Variants in COL14A1 observed in about 807,000 individuals in gnomAD.
COL14A1 encodes the protein collagen alpha-1(XIV) chain.
A neutral mutation model predicts 230.3 loss-of-function variants in COL14A1; 136 were observed. The observed-to-expected ratio is 0.59, with a 90% CI of 0.51 to 0.68. The LOEUF is 0.68. COL14A1 is among the 30% of genes least tolerant of loss of function. The probability of loss-of-function intolerance (pLI) is 0.00; values close to 1 mark genes in which losing one functional copy is unlikely to be tolerated. For missense variants in COL14A1, 1,976 were observed against 2,215.8 expected, an observed-to-expected ratio of 0.89 and a Z score of 2.17; for synonymous variants, 792 against 784.1, an observed-to-expected ratio of 1.01 and a Z score of -0.17.
chr8:120,324,512 T>G (rs556260384), intron 40 of COL14A1, among the ~76,000 whole-genome samples: 2 of 152,324 alleles, frequency 1.3e-5, no homozygotes, highest in Admixed American at 6.5e-5. Flanking sequence ...TTTTTTCTTA[T>G]GGCTGGCTGC....
At chr8:120,318,041 A>G (rs115549773) in intron 40 of COL14A1, among the ~76,000 whole-genome samples, 1,989 of 152,292 alleles carry the variant, frequency 0.013, 46 homozygotes, top group African/African-American at 0.044. Flanking sequence ...CTTCTAGAAG[A>G]GATATTTGAA....
intron 5 of COL14A1, among the ~76,000 whole-genome samples, chr8:120,172,759 A>G (rs1181471886): frequency 1.3e-5 from 2 of 152,190 alleles, no homozygotes; most frequent in Non-Finnish European, 2.9e-5. Flanking sequence ...TTATTTTTCT[A>G]GTCCAGCAAT....
At position 120,224,023 on chromosome 8, in the gene COL14A1, CTTTTTTTTTTTT is replaced by C. The variant is rs962510256; in HGVS notation, c.1738-1055_1738-1044del. On this transcript the variant is annotated intron_variant, in intron 14 of 47. Transcript: ENST00000297848. ...GCCTTCTAGACCCTGCCCTCATCTC[CTTTTTTTTTTTT>C]TTTTTTTTTGAGACAGAGTCTCATT... Among the ~76,000 whole-genome samples the C allele has an allele frequency of 5.1e-5, 4 of 78,282 alleles. No individual in the cohort carries two copies. The South Asian group carries it at 2.4e-3, about 48-fold the overall frequency. The allele number at this position is 78,282 out of a possible 152,430, so 51.4% of individuals were successfully genotyped here.
At position 120,372,692 on chromosome 8, in the gene COL14A1, C is replaced by T. The variant is rs1423082201; in HGVS notation, c.*1461C>T. On this transcript the variant is annotated 3_prime_UTR_variant, in exon 48 of 48. Transcript: ENST00000297848. ...ATCACCAGGTTCTCTTTCTGTCCTT[C>T]TCATAATCTCCTGATCTTTGGAGAT... Among the ~76,000 whole-genome samples the T allele has an allele frequency of 6.6e-6, 1 of 152,004 alleles. No homozygotes were observed. The highest frequency in any genetic ancestry group is 1.5e-5 in the Non-Finnish European group (1 of 68,034).
At chr8:120,194,498 C>G (rs986121829) in intron 5 of COL14A1, among the ~76,000 whole-genome samples, 2 of 151,924 alleles carry the variant, frequency 1.3e-5, no homozygotes, top group Non-Finnish European at 2.9e-5. Flanking sequence ...CATTTTTAGT[C>G]TTATTAAACT....
intron 32 of COL14A1, among the ~76,000 whole-genome samples, chr8:120,285,230 G>C (rs373575612): frequency 5.2e-4 from 79 of 151,966 alleles, no homozygotes; most frequent in African/African-American, 1.6e-3. Context: ...GAGGTGGGCA[G>C]ATCATGAGGT....
chr8:120,286,587 ACAAGCTCTGCCTCCCGGGTTCACGC>A (rs1258659422), intron 33 of COL14A1, among the ~76,000 whole-genome samples: 1 of 151,898 alleles, frequency 6.6e-6, no homozygotes, highest in Non-Finnish European at 1.5e-5. Context: ...TTGGCTCACT[ACAAGCTCTGCCTCCCGGGTTCACGC>A]CATTCTCCTG....
Position 120,281,042 on chromosome 8 carries a change from G to A in COL14A1, c.3807G>A (p.Leu1269=). 1.9e-6 allele frequency: 3 copies of A among 1,609,138 alleles called. No homozygotes were observed. Among genetic ancestry groups the A allele is most frequent in the Non-Finnish European group, 2.5e-6 (3 of 1,178,096 alleles). The change falls in exon 31 of 48, where the codon CTG becomes CTA. Residue 1269 remains leucine, a synonymous_variant. Coordinates refer to ENST00000297848, the MANE Select transcript of COL14A1 (RefSeq NM_021110.4). ...GTTACCAACTCCATAAAGATGCCCT[G>A]GTTTCCCAGCCAACCAGGTATGTTT... ...FPCYQLHKDA[L]VSQPTRYLHP... is the part of the protein sequence containing the mutation.
chr8:120,192,925 G>A (rs1816879012), intron 5 of COL14A1, among the ~76,000 whole-genome samples: 1 of 152,000 alleles, frequency 6.6e-6, no homozygotes, highest in South Asian at 2.1e-4. Flanking sequence ...CTCTGTATTG[G>A]TTATTCTAGT....
At chr8:120,332,838 G>T in intron 42 of COL14A1, 103 bp downstream of exon 42, 1 of 837,208 alleles carries the variant, frequency 1.2e-6, no homozygotes, top group South Asian at 1.9e-5. Context: ...TGTTTATTCA[G>T]CACTGGACTC....
In COL14A1 at chr8:120,206,924, A is replaced by G; in HGVS notation, c.1040-19A>G. 2 of 1,588,802 alleles carry G rather than the reference A, an allele frequency of 1.3e-6. No homozygotes were observed. Among genetic ancestry groups the G allele is most frequent in the Non-Finnish European group, 1.7e-6 (2 of 1,171,474 alleles). On this transcript the variant is annotated intron_variant, in intron 9 of 47. Coordinates refer to ENST00000297848, the MANE Select transcript of COL14A1 (RefSeq NM_021110.4). Reference sequence around the variant, plus strand: ...TAACTTTGGGTAAGAGGTTTATTTGATATGTTTTTTTAATTTAGCCTCAGC... The same window carrying G: ...TAACTTTGGGTAAGAGGTTTATTTGGTATGTTTTTTTAATTTAGCCTCAGC...
rs17237080 is a variant in COL14A1 at position 120,283,505 on chromosome 8, T to C, written c.3825-131T>C. On this transcript the variant is annotated intron_variant, in intron 31 of 47. Coordinates refer to ENST00000297848, the MANE Select transcript of COL14A1 (RefSeq NM_021110.4). ...TTACTAAATTAGATCAACAGTGATC[T>C]AGTTGGTGTTAATGGTGGTCTTTTC... is the stretch of plus-strand genomic sequence containing the variant. 0.19 allele frequency: 154,178 copies of C among 818,562 alleles called. 16,878 individuals carry two copies. The highest frequency in any genetic ancestry group is 0.23 in the Non-Finnish European group (118,157 of 514,890). 50.7% of individuals were successfully genotyped at this position (818,562 alleles called of 1,614,324 possible).
intron 2 of COL14A1, among the ~76,000 whole-genome samples, chr8:120,154,138 G>A (rs911994823): frequency 3.9e-5 from 6 of 152,054 alleles, no homozygotes; most frequent in Non-Finnish European, 5.9e-5. Context: ...AAACAAATGT[G>A]AATATTTTAT....
chr8:120,135,274 T>A (rs532191554), intron 1 of COL14A1, among the ~76,000 whole-genome samples: 1 of 152,310 alleles, frequency 6.6e-6, no homozygotes, highest in East Asian at 1.9e-4. Context: ...ACTTTTTTTT[T>A]TCTTTTTGAG....
At chr8:120,200,576 G>A (rs1447053485) in intron 8 of COL14A1, among the ~76,000 whole-genome samples, 1 of 151,106 alleles carries the variant, frequency 6.6e-6, no homozygotes, top group East Asian at 1.9e-4. Context: ...GGGAATACGT[G>A]TTTTAAAACC....
intron 19 of COL14A1, among the ~76,000 whole-genome samples, chr8:120,233,035 CAT>C (rs1204311095): frequency 6.6e-6 from 1 of 152,110 alleles, no homozygotes; most frequent in Non-Finnish European, 1.5e-5. Flanking sequence ...AGCTTTTTTT[CAT>C]ATGTTTGTTG....
intron 40 of COL14A1, among the ~76,000 whole-genome samples, chr8:120,330,695 C>CA (rs1365337519): frequency 6.6e-6 from 1 of 152,190 alleles, no homozygotes; most frequent in East Asian, 1.9e-4. Flanking sequence ...GCCTTTGTGC[C>CA]ACCTCTCACA....
At chr8:120,270,247 G>C in intron 26 of COL14A1, 73 bp downstream of exon 26, 1 of 1,421,958 alleles carries the variant, frequency 7.0e-7, no homozygotes, top group Non-Finnish European at 9.6e-7. Flanking sequence ...ACAGCTACTT[G>C]TCAGGGACTA....
chr8:120,322,611 C>T (rs1370345201), intron 40 of COL14A1, among the ~76,000 whole-genome samples: 1 of 152,138 alleles, frequency 6.6e-6, no homozygotes, highest in Non-Finnish European at 1.5e-5. Context: ...GTGTTCTCAT[C>T]ATTTAGCTCC....
Sources: allele counts gnomAD v4.1 joint callset (sites outside exome capture counted in the v4.1 genomes callset), GRCh38; gene constraint gnomAD v4.1.1; transcripts MANE v1.5; gene names NCBI Gene and HGNC (gene_info 2026-07-23, HGNC 2026-07-21).